Variants in SGCZ observed in about 807,000 individuals in gnomAD.
SGCZ encodes the protein sarcoglycan zeta.
Under a neutral mutation model 41.3 loss-of-function variants are expected in SGCZ, and 40 were observed. The ratio of observed to expected loss-of-function variants is 0.97; its 90% CI spans 0.75 to 1.26. The LOEUF is 1.26. Ranked by LOEUF, SGCZ falls within the 50% of genes most tolerant of loss-of-function variation. The pLI is 0.00. For missense variants in SGCZ, 552 were observed against 369.8 expected (o/e 1.49, Z -4.04); for synonymous variants, 206 against 137.5 (o/e 1.50, Z -3.49).
intron 2 of SGCZ, among the ~76,000 whole-genome samples, chr8:14,551,549 ATAATATATATTAT>A: frequency 1.5e-4 from 1 of 6,628 alleles, no homozygotes; most frequent in African/African-American, 5.7e-4. Context: ...TATAATATAT[ATAATATATATTAT>A]ATATATAATA....
chr8:14,701,525 C>T (rs561342116), intron 1 of SGCZ, among the ~76,000 whole-genome samples: 80 of 152,102 alleles, frequency 5.3e-4, no homozygotes, highest in African/African-American at 1.9e-3. Flanking sequence ...AACCAGCAAT[C>T]ACTTTAAATT....
At chr8:14,797,445 G>A (rs1182085663) in intron 1 of SGCZ, among the ~76,000 whole-genome samples, 1 of 152,166 alleles carries the variant, frequency 6.6e-6, no homozygotes, top group African/African-American at 2.4e-5. Flanking sequence ...TTAGAGCTCT[G>A]TGTAACACTG....
At chr8:14,293,960 A>G (rs183661977) in intron 3 of SGCZ, among the ~76,000 whole-genome samples, 8 of 151,906 alleles carry the variant, frequency 5.3e-5, no homozygotes, top group Non-Finnish European at 8.8e-5. Context: ...ACATATCTCT[A>G]AAAACTGGAT....
intron 1 of SGCZ, among the ~76,000 whole-genome samples, chr8:14,748,765 A>C (rs1002706101): frequency 2.0e-5 from 3 of 152,092 alleles, no homozygotes; most frequent in African/African-American, 4.8e-5. Context: ...AATAAAATAA[A>C]TTATAGTATC....
intron 1 of SGCZ, among the ~76,000 whole-genome samples, chr8:15,033,460 G>C (rs950487551): frequency 5.3e-5 from 8 of 152,092 alleles, no homozygotes; most frequent in African/African-American, 1.9e-4. Context: ...GTCCAGGCAG[G>C]CTGCAGAAGA....
intron 1 of SGCZ, among the ~76,000 whole-genome samples, chr8:14,628,424 G>A (rs1012077780): frequency 6.6e-6 from 1 of 151,996 alleles, no homozygotes; most frequent in Non-Finnish European, 1.5e-5. Flanking sequence ...AAAACTCACA[G>A]CTAGAGAAAG....
intron 1 of SGCZ, among the ~76,000 whole-genome samples, chr8:15,213,504 T>C (rs887721792): frequency 1.3e-5 from 2 of 151,480 alleles, no homozygotes; most frequent in South Asian, 2.1e-4. Context: ...TCAATAATTA[T>C]ATTAAATATT....
chr8:15,144,825 A>G (rs549619068), intron 1 of SGCZ, among the ~76,000 whole-genome samples: 19 of 152,300 alleles, frequency 1.2e-4, no homozygotes, highest in Non-Finnish European at 2.5e-4. Flanking sequence ...GTGCTTAGGG[A>G]CACATTAATT....
intron 1 of SGCZ, among the ~76,000 whole-genome samples, chr8:14,688,213 T>C (rs1392020921): frequency 6.6e-6 from 1 of 152,208 alleles, no homozygotes; most frequent in Admixed American, 6.5e-5. Flanking sequence ...ATCCCACTTG[T>C]CAACTTTGGC....
intron 1 of SGCZ, among the ~76,000 whole-genome samples, chr8:14,824,456 A>T (rs1018355391): frequency 6.6e-6 from 1 of 152,076 alleles, no homozygotes; most frequent in African/African-American, 2.4e-5. Flanking sequence ...AAACCAATAA[A>T]ATTCCTCATT....
At chr8:14,240,199 G>C (rs2410169) in intron 3 of SGCZ, among the ~76,000 whole-genome samples, 101,681 of 150,892 alleles carry the variant, frequency 0.67, 34,562 homozygotes, top group South Asian at 0.79. Flanking sequence ...ATGGTGGTGG[G>C]CTCTTGTAAT....
chr8:14,721,013 C>T (rs1809867898), intron 1 of SGCZ, among the ~76,000 whole-genome samples: 1 of 150,850 alleles, frequency 6.6e-6, no homozygotes, highest in Admixed American at 6.6e-5. Flanking sequence ...CAGCATTTAA[C>T]ATAGCAGACC....
chr8:14,987,729 T>C (rs1801873176), intron 1 of SGCZ, among the ~76,000 whole-genome samples: 1 of 152,012 alleles, frequency 6.6e-6, no homozygotes, highest in African/African-American at 2.4e-5. Flanking sequence ...TGTAATTAAA[T>C]CTAAACCATT....
chr8:14,808,739 C>T (rs1585279482), intron 1 of SGCZ, among the ~76,000 whole-genome samples: 3 of 151,960 alleles, frequency 2.0e-5, no homozygotes, highest in African/African-American at 7.2e-5. Flanking sequence ...GGTATATACC[C>T]AAAGAACTAT....
intron 1 of SGCZ, among the ~76,000 whole-genome samples, chr8:14,775,412 T>C (rs1395890156): frequency 1.3e-5 from 2 of 151,960 alleles, no homozygotes; most frequent in African/African-American, 4.8e-5. Context: ...CTAATTATTT[T>C]CCTACGTCCC....
chr8:14,135,569 AT>A (rs1182593818), intron 5 of SGCZ, among the ~76,000 whole-genome samples: 6 of 152,210 alleles, frequency 3.9e-5, no homozygotes, highest in Admixed American at 1.3e-4. Flanking sequence ...AATGAAAAAA[AT>A]CTCACAAAAT....
chr8:15,129,613 C>A (rs1481335857), intron 1 of SGCZ, among the ~76,000 whole-genome samples: 2 of 151,236 alleles, frequency 1.3e-5, no homozygotes, highest in Non-Finnish European at 2.9e-5. Context: ...TGCTTGATAA[C>A]CAGCCATGCA....
intron 1 of SGCZ, among the ~76,000 whole-genome samples, chr8:15,216,223 CTT>C (rs34383864): frequency 4.8e-5 from 6 of 125,934 alleles, no homozygotes; most frequent in Admixed American, 9.0e-5. Context: ...CTTTTTTTTT[CTT>C]TTTTTTTTTT....
intron 1 of SGCZ, among the ~76,000 whole-genome samples, chr8:14,698,388 A>T (rs746029928): frequency 1.3e-5 from 2 of 151,892 alleles, no homozygotes; most frequent in Non-Finnish European, 2.9e-5. Flanking sequence ...TCCAAGTTAA[A>T]CTTTTGTATT....
Sources: gnomAD v4.1 joint callset for allele counts (sites outside exome capture counted in the v4.1 genomes callset) on GRCh38, gnomAD v4.1.1 for gene constraint, MANE v1.5 for transcripts, NCBI Gene and HGNC (gene_info 2026-07-23, HGNC 2026-07-21) for gene names.